APMAP: variants seen among roughly 807,000 people sequenced by gnomAD.
The protein encoded by APMAP is adipocyte plasma membrane associated protein.
In APMAP, 33 loss-of-function variants were observed where a neutral mutation model predicts 43.6. The ratio of observed to expected loss-of-function variants is 0.76; its 90% CI spans 0.57 to 1.01. The LOEUF (loss-of-function observed/expected upper bound fraction) is 1.01, where lower values mean the gene tolerates loss of function less well. Among genes scored for constraint, APMAP ranks in the 50% least tolerant of loss-of-function variants. APMAP has a pLI of 0.00. For synonymous variants in APMAP, 224 were observed against 216.7 expected, an observed-to-expected ratio of 1.03 and a Z score of -0.30; for missense variants, 498 against 540.7, an observed-to-expected ratio of 0.92 and a Z score of 0.78.
At chr20:24,980,637 C>A (rs559500890) in intron 2 of APMAP, among the ~76,000 whole-genome samples, 1 of 150,220 alleles carries the variant, frequency 6.7e-6, no homozygotes, top group South Asian at 2.1e-4. Context: ...GTCAAGAGGC[C>A]ATGCTACCAT....
At chr20:24,981,586 T>C (rs767592801) in intron 2 of APMAP, among the ~76,000 whole-genome samples, 3 of 152,210 alleles carry the variant, frequency 2.0e-5, no homozygotes, top group African/African-American at 4.8e-5. Context: ...GCTCTTGATG[T>C]CCCAGACCAC....
At chr20:24,964,311 G>C in intron 8 of APMAP, 1 of 598,478 alleles carries the variant, frequency 1.7e-6, no homozygotes, top group South Asian at 1.5e-5. Context: ...TGAACTGAGA[G>C]AGACATATCA....
At chr20:24,966,092 C>T (rs2087940470) in intron 8 of APMAP, among the ~76,000 whole-genome samples, 2 of 152,164 alleles carry the variant, frequency 1.3e-5, no homozygotes, top group Admixed American at 1.3e-4. Flanking sequence ...ACCCAGATCT[C>T]CTCCACAAGG....
chr20:24,964,471 G>A (rs2087927065), intron 8 of APMAP: 1 of 471,182 alleles, frequency 2.1e-6, no homozygotes, highest in Admixed American at 2.3e-5. Context: ...GGAGATTTGA[G>A]AGCAGCTCAC....
chr20:24,969,359 G>A lies in APMAP; in HGVS notation c.848+167C>T, dbSNP rs141332656. 3.2e-3 allele frequency among the ~76,000 whole-genome samples: 481 copies of A among 152,268 alleles called. 3 individuals are homozygous for A. The highest frequency in any genetic ancestry group is 0.011 in the African/African-American group (463 of 41,578). On this transcript the variant is annotated intron_variant, in intron 7 of 8. Coordinates refer to ENST00000217456, the MANE Select transcript of APMAP (RefSeq NM_020531.3). The stretch of plus-strand genomic sequence containing the variant: ...GCCTTAAGACACTCTTCCGGACTGC[G>A]ACTCGCAATGGGAGAAAGAAAGCGC...
chr20:24,963,902 T>C lies in APMAP; in HGVS notation c.1162A>G (p.Ile388Val), dbSNP rs748875666. ...HDPDGLVATY[I>V]SEVHEHDGHL... ...CCATCGTGTTCGTGCACCTCGCTGA[T>C]GTAGGTGGCCACCAGCCCATCGGGA... is the stretch of plus-strand genomic sequence containing the variant. The change falls in exon 9 of 9, where the codon ATC becomes GTC. Residue 388 changes from isoleucine (I) to valine (V), a missense_variant. By Grantham distance (29) the Ile-to-Val change is conservative (BLOSUM62 3). Transcript: ENST00000217456. The C allele has an allele frequency of 3.1e-6, 5 of 1,614,214 alleles. 1 individual carries two copies. In the South Asian group the frequency reaches 4.4e-5, roughly 14 times the overall value.
intron 7 of APMAP, 39 bp from the exon 8 acceptor site, chr20:24,969,123 C>T: frequency 6.6e-7 from 1 of 1,521,056 alleles, no homozygotes; most frequent in Non-Finnish European, 8.8e-7. Context: ...ACCATAGCCC[C>T]TCAATTTCAG....
rs2087913643 is a variant in APMAP at position 24,963,354 on chromosome 20, C to T, written c.*459G>A. On this transcript the variant is annotated 3_prime_UTR_variant, in exon 9 of 9. Coordinates refer to ENST00000217456, the MANE Select transcript of APMAP (RefSeq NM_020531.3). ...ACACCCCTGGGCCATGCTCCCTCTGCTCTTCCATCCCCACCACAACGAAGA... is the reference window on the plus strand; with the variant it reads ...ACACCCCTGGGCCATGCTCCCTCTGTTCTTCCATCCCCACCACAACGAAGA... The T allele has an allele frequency of 5.7e-6, 1 of 176,014 alleles. No individual in the cohort carries two copies. Among genetic ancestry groups the T allele is most frequent in the South Asian group, 1.2e-4 (1 of 8,456 alleles). 10.9% of individuals were successfully genotyped at this position (176,014 alleles called of 1,614,324 possible).
In APMAP at chr20:24,989,028, C is replaced by A. The variant is rs79186907; in HGVS notation, c.95+3566G>T. ...CAAGGTCCATTAACTTTTCGGCAGG[C>A]CCTCATCAGTGTTGCTTCCTGTAAA... On this transcript the variant is annotated intron_variant, in intron 1 of 8. Transcript: ENST00000217456. Among the ~76,000 whole-genome samples the A allele has an allele frequency of 8.0e-3, 1,209 of 152,012 alleles. 23 individuals are homozygous for A. The highest frequency in any genetic ancestry group is 0.027 in the African/African-American group (1,139 of 41,450).
At position 24,969,527 on chromosome 20, in the gene APMAP, T is replaced by G; in HGVS notation, c.847A>C (p.Arg283=). ...VAETTMARIR[R]VYVSGLMKGG... ...TGGCTCAGCTAATCCCACACACACC[T>G]TCGTATCCTGGCCATGGTTGTTTCT... The change falls in exon 7 of 9, where the codon AGA becomes CGA. Residue 283 remains arginine (R), a splice_region_variant and synonymous_variant. Coordinates refer to ENST00000217456, the MANE Select transcript of APMAP (RefSeq NM_020531.3). 6.2e-7 allele frequency: 1 copy of G among 1,610,922 alleles called. No individual in the cohort carries two copies. Among genetic ancestry groups the G allele is most frequent in the Non-Finnish European group, 8.5e-7 (1 of 1,177,726 alleles).
rs1026065825 is a variant in APMAP, at chr20:24,983,051, CCAA to C, written c.212+849_212+851del. On this transcript the variant is annotated intron_variant, in intron 2 of 8. Coordinates refer to ENST00000217456, the MANE Select transcript of APMAP (RefSeq NM_020531.3). ...ACCTTGTGCCTTTACTATTCTAAAT[CCAA>C]CAACAAAAAGTTCACTCAGCTACAC... 4.9e-4 allele frequency among the ~76,000 whole-genome samples: 75 copies of C among 152,246 alleles called. 1 individual carries two copies. Among genetic ancestry groups the C allele is most frequent in the Non-Finnish European group, 1.3e-4 (9 of 68,044 alleles).
At position 24,965,876 on chromosome 20, in the gene APMAP, T is replaced by C. The variant is rs117392016; in HGVS notation, c.1042-1854A>G. 1.8e-3 allele frequency among the ~76,000 whole-genome samples: 276 copies of C among 152,080 alleles called. 1 individual carries two copies. Among genetic ancestry groups the C allele is most frequent in the Non-Finnish European group, 2.8e-3 (193 of 67,976 alleles). On this transcript the variant is annotated intron_variant, in intron 8 of 8. Coordinates refer to ENST00000217456, the MANE Select transcript of APMAP (RefSeq NM_020531.3). ...GGAGAGGTACAAATAGGGGGAAAAA[T>C]AAGGGGAGAAAACTTGGATCAGTCC...
Position 24,971,539 on chromosome 20 carries a change from C to G in APMAP, c.459G>C (p.Leu153=), listed in dbSNP as rs1600282395. The G allele has an allele frequency of 6.2e-7, 1 of 1,614,214 alleles. No homozygotes were observed. The highest frequency in any genetic ancestry group is 8.5e-7 in the Non-Finnish European group (1 of 1,180,036). ...TCCCATTGGGCCCTGCACGGATACC[C>G]AGGGGTCTCCCACACACAGGCTCAT... ...RDDEPVCGRP[L]GIRAGPNGTL... Residue 153 remains leucine (L), a synonymous_variant, in exon 5 of 9, where the codon CTG becomes CTC. Transcript: ENST00000217456.
At chr20:24,984,095 C>CCCTGCTCCTG in intron 1 of APMAP, 76 bp from the exon 2 acceptor site, 1 of 1,202,348 alleles carries the variant, frequency 8.3e-7, no homozygotes, top group Non-Finnish European at 1.2e-6. Context: ...CGAAAGCCCT[C>CCCTGCTCCTG]CCGGCAGGAG....
chr20:24,972,786 G>A (rs1249140757), intron 4 of APMAP, among the ~76,000 whole-genome samples: 1 of 151,342 alleles, frequency 6.6e-6, no homozygotes, highest in African/African-American at 2.4e-5. Context: ...ACTGTAGGGT[G>A]CTCACCATGG....
At chr20:24,989,265 C>A (rs74348643) in intron 1 of APMAP, among the ~76,000 whole-genome samples, 2,626 of 152,210 alleles carry the variant, frequency 0.017, 33 homozygotes, top group Non-Finnish European at 0.023. Context: ...CCCAATCTCT[C>A]GGAAGAGCCT....
chr20:24,974,754 A>T (rs1466601405), intron 3 of APMAP, among the ~76,000 whole-genome samples: 2 of 152,220 alleles, frequency 1.3e-5, no homozygotes, highest in Non-Finnish European at 2.9e-5. Flanking sequence ...GATAAAGAGG[A>T]GCATCACACA....
At chr20:24,971,777 T>G (rs1475504100) in intron 4 of APMAP, among the ~76,000 whole-genome samples, 1 of 151,996 alleles carries the variant, frequency 6.6e-6, no homozygotes, top group African/African-American at 2.4e-5. Context: ...GGGTGCTCAC[T>G]GCAGGGTGCT....
intron 8 of APMAP, among the ~76,000 whole-genome samples, chr20:24,965,469 T>G (rs560412460): frequency 6.6e-6 from 1 of 152,326 alleles, no homozygotes; most frequent in Admixed American, 6.5e-5. Flanking sequence ...GTGCAGGGGA[T>G]GGCAGACCAT....
Sources: allele counts gnomAD v4.1 joint callset (sites outside exome capture counted in the v4.1 genomes callset), GRCh38; gene constraint gnomAD v4.1.1; transcripts MANE v1.5; gene names NCBI Gene and HGNC (gene_info 2026-07-23, HGNC 2026-07-21).